Variants in CDH8 observed in about 807,000 individuals in gnomAD.
CDH8 encodes the protein cadherin-8.
A neutral mutation model predicts 68.1 loss-of-function variants in CDH8; 17 were observed. That is an observed-to-expected ratio of 0.25 (90% CI 0.17 to 0.37). CDH8 has a LOEUF of 0.37. CDH8 is among the 10% of genes least tolerant of loss of function. The pLI is 1.00. For synonymous variants in CDH8, 372 were observed against 365.1 expected, an observed-to-expected ratio of 1.02 and a Z score of -0.21; for missense variants, 763 against 999.3, an observed-to-expected ratio of 0.76 and a Z score of 3.19.
At chr16:61,916,481 C>G (rs939750108) in intron 2 of CDH8, among the ~76,000 whole-genome samples, 2 of 152,148 alleles carry the variant, frequency 1.3e-5, no homozygotes. Context: ...TGCACCTGCA[C>G]TCCAGCCTGG....
At chr16:61,907,676 T>G (rs1964085228) in intron 2 of CDH8, among the ~76,000 whole-genome samples, 1 of 142,440 alleles carries the variant, frequency 7.0e-6, no homozygotes, top group Non-Finnish European at 1.5e-5. Context: ...GAGACCCTGT[T>G]GCAAAAAAAA....
At chr16:61,940,715 TAA>T (rs1005524455) in intron 2 of CDH8, 4 of 152,222 alleles carry the variant, frequency 2.6e-5, no homozygotes, top group African/African-American at 9.7e-5. Context: ...TATTTTATCT[TAA>T]AGAGAGACTT....
intron 3 of CDH8, among the ~76,000 whole-genome samples, chr16:61,899,831 GACAC>G (rs35171683): frequency 0.2 from 29,607 of 147,094 alleles, 3,234 homozygotes; most frequent in African/African-American, 0.3. Context: ...ATGTTATAAA[GACAC>G]ACACACACAC....
intron 8 of CDH8, among the ~76,000 whole-genome samples, chr16:61,737,760 C>CG: frequency 6.6e-6 from 1 of 151,864 alleles, no homozygotes; most frequent in East Asian, 1.9e-4. Flanking sequence ...TTATGCATTC[C>CG]CCTTTCTCTG....
At chr16:61,978,767 T>A (rs1470525572) in intron 2 of CDH8, among the ~76,000 whole-genome samples, 1 of 152,126 alleles carries the variant, frequency 6.6e-6, no homozygotes. Flanking sequence ...AGACCACCCC[T>A]CTTTAGCAGC....
chr16:61,730,277 A>T (rs1420348700), intron 8 of CDH8, among the ~76,000 whole-genome samples: 1 of 151,476 alleles, frequency 6.6e-6, no homozygotes. Flanking sequence ...TATATGGGAC[A>T]AAGTGTTATT....
chr16:61,737,416 A>C (rs552636682), intron 8 of CDH8, among the ~76,000 whole-genome samples: 1 of 152,302 alleles, frequency 6.6e-6, no homozygotes, highest in East Asian at 1.9e-4. Context: ...GAGCAGTGGA[A>C]TTTTATAAAA....
chr16:61,975,835 G>A (rs1965424864), intron 2 of CDH8, among the ~76,000 whole-genome samples: 1 of 152,058 alleles, frequency 6.6e-6, no homozygotes, highest in Admixed American at 6.6e-5. Context: ...GCTTGTAAGT[G>A]GAAGGACAAA....
At chr16:61,739,890 T>A (rs986125147) in intron 8 of CDH8, among the ~76,000 whole-genome samples, 1 of 95,042 alleles carries the variant, frequency 1.1e-5, no homozygotes, top group Admixed American at 1.1e-4. Context: ...ATTCCATATA[T>A]ATATATATAT....
chr16:61,817,131 CA>C (rs1035631409), intron 7 of CDH8, among the ~76,000 whole-genome samples: 2 of 151,932 alleles, frequency 1.3e-5, no homozygotes, highest in Non-Finnish European at 2.9e-5. Flanking sequence ...AACAAACAAA[CA>C]AAAAAAGCAC....
chr16:61,714,493 T>C (rs67869933), intron 9 of CDH8, among the ~76,000 whole-genome samples: 16,609 of 151,586 alleles, frequency 0.11, 921 homozygotes, highest in Middle Eastern at 0.12. Context: ...AATACTGTTT[T>C]TTAAAGCTAG....
intron 3 of CDH8, among the ~76,000 whole-genome samples, chr16:61,895,192 C>T (rs1012730728): frequency 5.9e-5 from 9 of 152,070 alleles, no homozygotes; most frequent in Non-Finnish European, 1.5e-5. Flanking sequence ...AAGAGTTCTT[C>T]CACCTCGGAA....
intron 8 of CDH8, among the ~76,000 whole-genome samples, chr16:61,766,103 T>C (rs1453276478): frequency 6.6e-6 from 1 of 151,902 alleles, no homozygotes; most frequent in Non-Finnish European, 1.5e-5. Flanking sequence ...GTAGTGTACA[T>C]TGTACCCAAT....
chr16:61,700,283 T>G (rs1172891525), intron 10 of CDH8, among the ~76,000 whole-genome samples: 1 of 151,670 alleles, frequency 6.6e-6, no homozygotes, highest in Admixed American at 6.6e-5. Context: ...TAGTTGTTTT[T>G]TTTTTTTTTT....
intron 2 of CDH8, among the ~76,000 whole-genome samples, chr16:61,949,903 G>A (rs1402263124): frequency 6.6e-6 from 1 of 151,582 alleles, no homozygotes; most frequent in Admixed American, 6.6e-5. Context: ...TAGGAAGATT[G>A]CTTAAACATG....
intron 3 of CDH8, among the ~76,000 whole-genome samples, chr16:61,871,779 C>T (rs1303442888): frequency 9.1e-6 from 1 of 109,518 alleles, no homozygotes; most frequent in Non-Finnish European, 1.7e-5. Context: ...CAGTAAATTA[C>T]ATGTACTTAA....
intron 10 of CDH8, among the ~76,000 whole-genome samples, chr16:61,666,073 A>T (rs1963670348): frequency 6.6e-6 from 1 of 151,810 alleles, no homozygotes; most frequent in African/African-American, 2.4e-5. Flanking sequence ...CCCACCTGGG[A>T]TGTAAATCGT....
At chr16:61,951,869 C>T (rs528258312) in intron 2 of CDH8, among the ~76,000 whole-genome samples, 3 of 152,226 alleles carry the variant, frequency 2.0e-5, no homozygotes, top group Admixed American at 2.0e-4. Flanking sequence ...AGAGGAAATA[C>T]ATTTAAAATT....
intron 8 of CDH8, among the ~76,000 whole-genome samples, chr16:61,755,420 G>A (rs995766434): frequency 1.2e-4 from 18 of 152,130 alleles, no homozygotes; most frequent in East Asian, 3.9e-4. Context: ...GTATAGCCAC[G>A]TATTGGCGTG....
Sources: allele counts gnomAD v4.1 joint callset (sites outside exome capture counted in the v4.1 genomes callset), GRCh38; gene constraint gnomAD v4.1.1; transcripts MANE v1.5; gene names NCBI Gene and HGNC (gene_info 2026-07-23, HGNC 2026-07-21).